The following GPM6A variants were observed in gnomAD, a reference collection of about 807,000 sequenced individuals.
The protein encoded by GPM6A is neuronal membrane glycoprotein M6-a.
GPM6A carries 7 observed loss-of-function variants against 32.1 expected under a neutral mutation model. The observed-to-expected ratio is 0.22, with a 90% CI of 0.12 to 0.41. GPM6A has a LOEUF of 0.41. Among genes scored for constraint, GPM6A ranks in the 10% least tolerant of loss-of-function variants. GPM6A has a pLI of 1.00. For missense variants in GPM6A, 235 were observed against 347.2 expected (o/e 0.68, Z 2.57); for synonymous variants, 130 against 123.4 (o/e 1.05, Z -0.35).
At chr4:175,661,594 G>A (rs1347342074) in intron 3 of GPM6A, among the ~76,000 whole-genome samples, 1 of 152,176 alleles carries the variant, frequency 6.6e-6, no homozygotes, top group Non-Finnish European at 1.5e-5. Flanking sequence ...CAGCATGTGA[G>A]TTTTTGCTCT....
chr4:175,938,419 T>A (rs1739306543), intron 1 of GPM6A, among the ~76,000 whole-genome samples: 1 of 152,182 alleles, frequency 6.6e-6, no homozygotes, highest in Non-Finnish European at 1.5e-5. Flanking sequence ...CATCTGTTGT[T>A]TCCTGACTTT....
intron 3 of GPM6A, among the ~76,000 whole-genome samples, chr4:175,666,854 C>T (rs996114035): frequency 5.9e-5 from 9 of 152,174 alleles, no homozygotes; most frequent in African/African-American, 2.2e-4. Context: ...TGAGGCTGAG[C>T]ATTTGCTATC....
At chr4:175,936,292 C>T (rs1485218068) in intron 1 of GPM6A, among the ~76,000 whole-genome samples, 13 of 93,636 alleles carry the variant, frequency 1.4e-4, no homozygotes, top group African/African-American at 6.7e-4. Flanking sequence ...GGCGACACAG[C>T]GAGACTCTGT....
intron 1 of GPM6A, among the ~76,000 whole-genome samples, chr4:175,955,671 A>G (rs1739961610): frequency 6.6e-6 from 1 of 152,172 alleles, no homozygotes; most frequent in Middle Eastern, 3.2e-3. Flanking sequence ...ATTCTTAATC[A>G]GTAATAAGGA....
intron 1 of GPM6A, among the ~76,000 whole-genome samples, chr4:175,712,301 C>A (rs1560890667): frequency 6.6e-6 from 1 of 152,174 alleles, no homozygotes; most frequent in African/African-American, 2.4e-5. Context: ...GCTCTTACAG[C>A]CCCCACTACC....
chr4:175,799,842 T>C (rs1734402010), intron 1 of GPM6A, among the ~76,000 whole-genome samples: 1 of 151,580 alleles, frequency 6.6e-6, no homozygotes, highest in African/African-American at 2.4e-5. Flanking sequence ...GCCCGGCTAA[T>C]TTTTTGTATT....
rs560068295 is a variant in GPM6A at position 175,888,328 on chromosome 4, T to G, written c.-22-76079A>C. On this transcript the variant is annotated intron_variant, in intron 1 of 7. Transcript: ENST00000280187. ...TAAAATTGTCCTAATCTCTTAATGATTATTTATTTTATAAGAAACAGCATA... is the reference window on the plus strand; with the variant it reads ...TAAAATTGTCCTAATCTCTTAATGAGTATTTATTTTATAAGAAACAGCATA... Among the ~76,000 whole-genome samples the G allele has an allele frequency of 1.8e-4, 27 of 152,108 alleles. No individual in the cohort carries two copies. The South Asian group carries it at 5.2e-3, about 29-fold the overall frequency.
intron 1 of GPM6A, among the ~76,000 whole-genome samples, chr4:175,828,873 T>C (rs757854789): frequency 6.6e-6 from 1 of 152,106 alleles, no homozygotes; most frequent in African/African-American, 2.4e-5. Flanking sequence ...TAAATTTATA[T>C]TGGCATTACA....
chr4:175,824,032 C>A (rs143603909), intron 1 of GPM6A, among the ~76,000 whole-genome samples: 7 of 152,252 alleles, frequency 4.6e-5, no homozygotes, highest in African/African-American at 1.7e-4. Flanking sequence ...TTTGTCAGTT[C>A]TGAGCAAGAG....
At chr4:175,972,073 T>C (rs1305305819) in intron 1 of GPM6A, 1 of 152,178 alleles carries the variant, frequency 6.6e-6, no homozygotes, top group Non-Finnish European at 1.5e-5. Flanking sequence ...ATGGTGCTAC[T>C]ATTCATTCTT....
chr4:175,913,363 C>T (rs1190831468), intron 1 of GPM6A, among the ~76,000 whole-genome samples: 1 of 152,226 alleles, frequency 6.6e-6, no homozygotes, highest in Non-Finnish European at 1.5e-5. Flanking sequence ...TGTAAAGACA[C>T]TGTGTTATAC....
intron 1 of GPM6A, among the ~76,000 whole-genome samples, chr4:175,716,369 AAGTG>A (rs1745842170): frequency 6.6e-6 from 1 of 152,164 alleles, no homozygotes; most frequent in Non-Finnish European, 1.5e-5. Context: ...CTCTTTTAAA[AAGTG>A]AGCCTATTTT....
intron 1 of GPM6A, among the ~76,000 whole-genome samples, chr4:175,875,287 C>G (rs543142437): frequency 6.6e-6 from 1 of 152,132 alleles, no homozygotes; most frequent in African/African-American, 2.4e-5. Flanking sequence ...TTTTGCAATG[C>G]CATGAGCTTT....
intron 1 of GPM6A, among the ~76,000 whole-genome samples, chr4:175,703,394 A>T (rs1744989437): frequency 6.6e-6 from 1 of 152,106 alleles, no homozygotes; most frequent in African/African-American, 2.4e-5. Context: ...CTGATCTCAA[A>T]CCTTGACCTC....
chr4:175,680,190 A>G (rs917517140), intron 2 of GPM6A, among the ~76,000 whole-genome samples: 4 of 152,180 alleles, frequency 2.6e-5, no homozygotes, highest in Admixed American at 6.5e-5. Context: ...TAACTGCATA[A>G]CAAATATACA....
rs540313945 is a variant in GPM6A, at chr4:175,732,122, A to G, written c.38-30355T>C. Among the ~76,000 whole-genome samples, 5 of 152,026 alleles carry G rather than the reference A, an allele frequency of 3.3e-5. No homozygotes were observed. The South Asian group carries it at 1.0e-3, about 32-fold the overall frequency. On this transcript the variant is annotated intron_variant, in intron 1 of 6. Coordinates refer to ENST00000393658, the MANE Select transcript of GPM6A (RefSeq NM_201591.3). ...GCTGGGACTACAAGTGTGTGCCACC[A>G]TGCCCAGCTAATTTTTGTATTTTTA...
At chr4:175,976,918 T>C (rs920368793) in intron 1 of GPM6A, among the ~76,000 whole-genome samples, 1 of 152,024 alleles carries the variant, frequency 6.6e-6, no homozygotes, top group African/African-American at 2.4e-5. Flanking sequence ...ATAAAACAAA[T>C]AGACAACCCT....
intron 1 of GPM6A, among the ~76,000 whole-genome samples, chr4:175,896,403 C>T (rs1012494534): frequency 2.6e-5 from 4 of 152,048 alleles, no homozygotes; most frequent in Non-Finnish European, 2.9e-5. Flanking sequence ...TCAACCTGCT[C>T]GGGGAGGTGC....
chr4:175,714,204 T>C (rs575353658), intron 1 of GPM6A, among the ~76,000 whole-genome samples: 23 of 152,264 alleles, frequency 1.5e-4, no homozygotes, highest in Non-Finnish European at 2.8e-4. Context: ...TTAGATGCCC[T>C]GAATCCTTTA....
Sources: allele counts gnomAD v4.1 joint callset (sites outside exome capture counted in the v4.1 genomes callset), GRCh38; gene constraint gnomAD v4.1.1; transcripts MANE v1.5; gene names NCBI Gene and HGNC (gene_info 2026-07-23, HGNC 2026-07-21).